The following HMGA2 variants were observed in gnomAD, a reference collection of about 807,000 sequenced individuals.
HMGA2 encodes the protein high mobility group protein HMGI-C.
HMGA2 carries 8 observed loss-of-function variants against 19.1 expected under a neutral mutation model. The ratio of observed to expected loss-of-function variants is 0.42; its 90% CI spans 0.25 to 0.76. HMGA2 has a LOEUF of 0.76. HMGA2 is among the 30% of genes least tolerant of loss of function. HMGA2 has a pLI of 0.28. For missense variants in HMGA2, 109 were observed against 136.3 expected (o/e 0.80, Z 1.00); for synonymous variants, 60 against 48.8 (o/e 1.23, Z -0.96).
intron 3 of HMGA2, among the ~76,000 whole-genome samples, chr12:65,887,143 A>T (rs77677211): frequency 1.3e-5 from 2 of 152,192 alleles, no homozygotes; most frequent in Admixed American, 6.5e-5. Flanking sequence ...CATAAAATGG[A>T]TGATATTTTA....
chr12:65,927,949 GTATATA>G (rs10581504), intron 3 of HMGA2, among the ~76,000 whole-genome samples: 43,135 of 146,268 alleles, frequency 0.29, 7,091 homozygotes, highest in African/African-American at 0.44. Flanking sequence ...ATGTATGTGA[GTATATA>G]TATATATATA....
intron 3 of HMGA2, among the ~76,000 whole-genome samples, chr12:65,943,208 A>T (rs570163352): frequency 2.2e-3 from 342 of 152,338 alleles, no homozygotes; most frequent in Non-Finnish European, 4.1e-3. Context: ...TAGTTCAAAT[A>T]TCAATTAGTA....
chr12:65,945,628 C>A (rs539130000), intron 3 of HMGA2, among the ~76,000 whole-genome samples: 4 of 152,126 alleles, frequency 2.6e-5, no homozygotes, highest in Non-Finnish European at 5.9e-5. Context: ...AAAAGCCACT[C>A]CCATCAATGT....
intron 3 of HMGA2, among the ~76,000 whole-genome samples, chr12:65,861,182 A>G (rs955033563): frequency 5.3e-5 from 8 of 152,208 alleles, no homozygotes; most frequent in Non-Finnish European, 1.0e-4. Context: ...CCTGGCCAAC[A>G]TGGTGAAACT....
At chr12:65,906,487 G>A (rs777832317) in intron 3 of HMGA2, among the ~76,000 whole-genome samples, 48 of 152,204 alleles carry the variant, frequency 3.2e-4, no homozygotes, top group Non-Finnish European at 6.0e-4. Context: ...CATGGGCTCT[G>A]TAGCTTTAGA....
At chr12:65,849,104 C>T (rs933481888) in intron 3 of HMGA2, among the ~76,000 whole-genome samples, 1 of 152,162 alleles carries the variant, frequency 6.6e-6, no homozygotes, top group African/African-American at 2.4e-5. Context: ...CAGAATGATT[C>T]TGATGTCAGA....
intron 3 of HMGA2, among the ~76,000 whole-genome samples, chr12:65,884,202 T>C (rs185413171): frequency 9.2e-5 from 14 of 152,254 alleles, no homozygotes; most frequent in Admixed American, 3.9e-4. Flanking sequence ...TATCCCTAAT[T>C]TGAAAACCTG....
At chr12:65,910,914 C>T (rs1286731208) in intron 3 of HMGA2, among the ~76,000 whole-genome samples, 1 of 152,146 alleles carries the variant, frequency 6.6e-6, no homozygotes, top group Non-Finnish European at 1.5e-5. Flanking sequence ...TTAGTAGTAG[C>T]AATTAGTAGT....
At chr12:65,830,277 C>T (rs1374808203) in intron 2 of HMGA2, among the ~76,000 whole-genome samples, 1 of 151,842 alleles carries the variant, frequency 6.6e-6, no homozygotes, top group Non-Finnish European at 1.5e-5. Context: ...GAGTATGTTA[C>T]TATTCTATAT....
chr12:65,842,883 T>C, intron 3 of HMGA2: 2 of 1,269,888 alleles, frequency 1.6e-6, no homozygotes, highest in East Asian at 5.8e-5. Flanking sequence ...GGGCTCAGGC[T>C]CAAGAATACA....
chr12:65,949,128 T>C (rs1031603269), intron 3 of HMGA2, among the ~76,000 whole-genome samples: 33 of 152,184 alleles, frequency 2.2e-4, no homozygotes, highest in African/African-American at 8.0e-4. Flanking sequence ...TCATCGTTCT[T>C]GGTTCGATTT....
At chr12:65,860,513 T>A (rs1295813851) in intron 3 of HMGA2, among the ~76,000 whole-genome samples, 1 of 152,228 alleles carries the variant, frequency 6.6e-6, no homozygotes, top group Non-Finnish European at 1.5e-5. Context: ...TGGTAATTTT[T>A]GAACAGTTAT....
At chr12:65,835,156 C>T (rs990982789) in intron 2 of HMGA2, among the ~76,000 whole-genome samples, 1 of 152,178 alleles carries the variant, frequency 6.6e-6, no homozygotes, top group African/African-American at 2.4e-5. Flanking sequence ...CAAAGGAAAA[C>T]CAAATATACA....
chr12:65,865,217 A>G (rs1261619233), intron 3 of HMGA2, among the ~76,000 whole-genome samples: 3 of 152,204 alleles, frequency 2.0e-5, no homozygotes, highest in Non-Finnish European at 2.9e-5. Flanking sequence ...GTTATCAGTA[A>G]GGCTTGCAGT....
Position 65,825,782 on chromosome 12 carries a change from G to A in HMGA2, c.111+401G>A, listed in dbSNP as rs966917935. ...CTGCCCGGGAGGAAGGAGGTGCCGG[G>A]GACCCGGGCGCTTCGGCCGATCTGG... On this transcript the variant is annotated intron_variant, in intron 1 of 4. Coordinates refer to ENST00000403681, the MANE Select transcript of HMGA2 (RefSeq NM_003483.6). This position sits in a 1 kb window ranked among gnomAD's most constrained non-coding sequence, Gnocchi z 4.4. Among the ~76,000 whole-genome samples, 30 of 152,286 alleles carry A rather than the reference G, an allele frequency of 2.0e-4. 1 individual carries two copies. The highest frequency in any genetic ancestry group is 7.0e-4 in the African/African-American group (29 of 41,590).
chr12:65,833,804 G>A (rs918904707), intron 2 of HMGA2, among the ~76,000 whole-genome samples: 3 of 152,140 alleles, frequency 2.0e-5, no homozygotes, highest in Non-Finnish European at 4.4e-5. Context: ...TCTCCCATTT[G>A]TAAAACGGGA....
At chr12:65,842,081 T>G in intron 3 of HMGA2, 1 of 1,288,368 alleles carries the variant, frequency 7.8e-7, no homozygotes, top group Admixed American at 2.3e-5. Flanking sequence ...TGCGTGTGTG[T>G]GTAGAAGAGG....
intron 3 of HMGA2, chr12:65,914,940 G>C: frequency 7.1e-7 from 1 of 1,411,464 alleles, no homozygotes; most frequent in Non-Finnish European, 9.9e-7. Flanking sequence ...CTCTCAAAGT[G>C]CTGGGAATAC....
chr12:65,847,900 G>A (rs1156988032), intron 3 of HMGA2, among the ~76,000 whole-genome samples: 1 of 152,174 alleles, frequency 6.6e-6, no homozygotes, highest in African/African-American at 2.4e-5. Context: ...AGTAATGAAT[G>A]TGGATTTGAA....
Sources: gnomAD v4.1 joint callset for allele counts (sites outside exome capture counted in the v4.1 genomes callset) on GRCh38, gnomAD v4.1.1 for gene constraint, Gnocchi (gnomAD v3.1) non-coding constraint, MANE v1.5 for transcripts, NCBI Gene and HGNC (gene_info 2026-07-23, HGNC 2026-07-21) for gene names.